CALN1: variants seen among roughly 807,000 people sequenced by gnomAD.
CALN1 encodes calcium-binding protein 8.
Under a neutral mutation model 30.6 loss-of-function variants are expected in CALN1, and 17 were observed. The ratio of observed to expected loss-of-function variants is 0.56; its 90% CI spans 0.38 to 0.83. CALN1 has a LOEUF of 0.83. Among genes scored for constraint, CALN1 ranks in the 40% least tolerant of loss-of-function variants. The pLI, the probability that CALN1 is intolerant of heterozygous loss-of-function variation, is 0.00. For missense variants in CALN1, 291 were observed against 354.9 expected (o/e 0.82, Z 1.45); for synonymous variants, 156 against 131.4 (o/e 1.19, Z -1.28).
intron 2 of CALN1, among the ~76,000 whole-genome samples, chr7:72,340,409 C>A (rs1453183904): frequency 1.3e-5 from 2 of 149,884 alleles, no homozygotes; most frequent in Non-Finnish European, 3.0e-5. Flanking sequence ...TTAAGTCAAA[C>A]CAAATGTAGA....
chr7:71,858,399 C>A (rs1446700109), intron 5 of CALN1, among the ~76,000 whole-genome samples: 1 of 151,902 alleles, frequency 6.6e-6, no homozygotes, highest in Non-Finnish European at 1.5e-5. Flanking sequence ...CAGACTAATG[C>A]AACTCCCAAA....
intron 2 of CALN1, among the ~76,000 whole-genome samples, chr7:72,294,841 C>A (rs1031315247): frequency 6.6e-6 from 1 of 151,796 alleles, no homozygotes; most frequent in African/African-American, 2.4e-5. Context: ...TGATAAATTA[C>A]CTGGACAAAA....
intron 5 of CALN1, among the ~76,000 whole-genome samples, chr7:71,812,118 G>T (rs1787993993): frequency 6.6e-6 from 1 of 152,184 alleles, no homozygotes; most frequent in Admixed American, 6.5e-5. Flanking sequence ...CCAGATAGAG[G>T]CTGTTCCTTC....
chr7:72,106,497 T>C (rs543704150), intron 3 of CALN1, among the ~76,000 whole-genome samples: 2 of 108,282 alleles, frequency 1.8e-5, no homozygotes, highest in East Asian at 2.6e-4. Flanking sequence ...AAAAAGGAAA[T>C]GGAAGGGAGA....
At chr7:72,079,150 G>A (rs1036123622) in intron 4 of CALN1, among the ~76,000 whole-genome samples, 1 of 152,130 alleles carries the variant, frequency 6.6e-6, no homozygotes, top group African/African-American at 2.4e-5. Flanking sequence ...GCTCACAATG[G>A]CTGAGGACCT....
At chr7:71,804,542 G>A (rs1372747958) in intron 6 of CALN1, among the ~76,000 whole-genome samples, 1 of 152,138 alleles carries the variant, frequency 6.6e-6, no homozygotes, top group Non-Finnish European at 1.5e-5. Context: ...AAACTCACTG[G>A]GTGCCGTGGC....
chr7:71,815,511 C>T (rs547494721), intron 5 of CALN1, among the ~76,000 whole-genome samples: 19 of 152,126 alleles, frequency 1.2e-4, no homozygotes, highest in Non-Finnish European at 2.4e-4. Flanking sequence ...GGAATTCAAC[C>T]TGAGTAGATC....
intron 3 of CALN1, among the ~76,000 whole-genome samples, chr7:72,255,748 T>G (rs1795865854): frequency 8.5e-6 from 1 of 118,266 alleles, no homozygotes; most frequent in Admixed American, 8.9e-5. Flanking sequence ...TTTTTTTTTT[T>G]GAGACAAAGT....
At chr7:72,398,100 A>G (rs958610035) in intron 2 of CALN1, among the ~76,000 whole-genome samples, 1 of 152,186 alleles carries the variant, frequency 6.6e-6, no homozygotes, top group African/African-American at 2.4e-5. Context: ...GGGACAGGGA[A>G]GAGAGGCAAG....
At chr7:72,125,067 C>A (rs1329441863) in intron 3 of CALN1, among the ~76,000 whole-genome samples, 1 of 152,072 alleles carries the variant, frequency 6.6e-6, no homozygotes, top group Non-Finnish European at 1.5e-5. Flanking sequence ...CTCACTTTGT[C>A]ACCTGGGCTG....
At chr7:71,836,471 G>A (rs1789608029) in intron 5 of CALN1, among the ~76,000 whole-genome samples, 1 of 152,144 alleles carries the variant, frequency 6.6e-6, no homozygotes, top group Non-Finnish European at 1.5e-5. Context: ...TCCAGGTTCA[G>A]TGACTTTCAC....
upstream of CALN1, among the ~76,000 whole-genome samples, chr7:72,415,126 C>T (rs1205762400): frequency 6.6e-6 from 1 of 152,246 alleles, no homozygotes; most frequent in East Asian, 1.9e-4. Context: ...TTCCAGCCTC[C>T]ATAGCTGTGA....
chr7:72,015,219 G>C (rs1203403817), intron 5 of CALN1, among the ~76,000 whole-genome samples: 5 of 152,174 alleles, frequency 3.3e-5, no homozygotes, highest in Non-Finnish European at 7.3e-5. Context: ...GTCAGAACCA[G>C]ATCAGTAAAA....
Position 71,790,347 on chromosome 7 carries a change from A to AAAGAAAG in CALN1, c.659-2446_659-2445insCTTTCTT, listed in dbSNP as rs1477771636. ...GAAAGAAGGAAAGAAAGAAAGAAAG[A>AAAGAAAG]AAAGAAAGAAAGAAAGAAAGAAAAG... On this transcript the variant is annotated intron_variant, in intron 6 of 6. Transcript: ENST00000395275. Among the ~76,000 whole-genome samples the AAAGAAAG allele has an allele frequency of 3.5e-5, 4 of 115,554 alleles. No individual in the cohort carries two copies. The East Asian group carries it at 7.7e-4, about 22-fold the overall frequency. 75.8% of individuals were successfully genotyped at this position (115,554 alleles called of 152,430 possible).
At chr7:71,944,327 G>T (rs1436956513) in intron 5 of CALN1, among the ~76,000 whole-genome samples, 2 of 152,024 alleles carry the variant, frequency 1.3e-5, no homozygotes. Flanking sequence ...GGGCGTGGTG[G>T]CTCACACCTG....
At chr7:72,289,737 A>C (rs1585375662) in intron 2 of CALN1, among the ~76,000 whole-genome samples, 1 of 152,260 alleles carries the variant, frequency 6.6e-6, no homozygotes, top group East Asian at 1.9e-4. Context: ...GATGAATTTT[A>C]AATATTTATT....
the CALN1 span, among the ~76,000 whole-genome samples, chr7:72,473,443 C>A: frequency 4.6e-5 from 7 of 152,166 alleles, no homozygotes; most frequent in Non-Finnish European, 1.0e-4. Context: ...TCCAGTCTTT[C>A]CAGTTCCATA....
intron 3 of CALN1, among the ~76,000 whole-genome samples, chr7:72,132,498 T>C (rs1459804706): frequency 6.6e-6 from 1 of 152,160 alleles, no homozygotes; most frequent in African/African-American, 2.4e-5. Flanking sequence ...TTCATTACTA[T>C]AGAACATTCC....
At chr7:72,255,799 C>T (rs113780185) in intron 3 of CALN1, among the ~76,000 whole-genome samples, 4 of 151,142 alleles carry the variant, frequency 2.6e-5, no homozygotes, top group Admixed American at 2.0e-4. Flanking sequence ...GGCGCAATCT[C>T]GGCTCACTGC....
Sources: allele counts gnomAD v4.1 joint callset (sites outside exome capture counted in the v4.1 genomes callset), GRCh38; gene constraint gnomAD v4.1.1; transcripts MANE v1.5; gene names NCBI Gene and HGNC (gene_info 2026-07-23, HGNC 2026-07-21).